Variants in PTPRM observed in about 807,000 individuals in gnomAD.
PTPRM encodes the protein protein tyrosine phosphatase receptor type M.
In PTPRM, 47 loss-of-function variants were observed where a neutral mutation model predicts 186.7. That is an observed-to-expected ratio of 0.25 (90% CI 0.20 to 0.32). The LOEUF (loss-of-function observed/expected upper bound fraction) is 0.32, where lower values mean the gene tolerates loss of function less well. PTPRM is among the 10% of genes least tolerant of loss of function. The probability of loss-of-function intolerance (pLI) is 1.00; values close to 1 mark genes in which losing one functional copy is unlikely to be tolerated. For synonymous variants in PTPRM, 668 were observed against 674.9 expected (o/e 0.99, Z 0.16); for missense variants, 1,494 against 1,865.0 (o/e 0.80, Z 3.66).
In PTPRM at chr18:8,343,487, C is replaced by A. The variant is rs2095486669; in HGVS notation, c.3021C>A (p.Ile1007=). ...RMVWHENTAS[I]IMVTNLVEVG... Reference sequence around the variant, plus strand: ...TGTGGCACGAAAACACTGCAAGTATCATCATGGTGACCAATCTTGTGGAAG... The same window carrying A: ...TGTGGCACGAAAACACTGCAAGTATAATCATGGTGACCAATCTTGTGGAAG... The change falls in exon 23 of 33, where the codon ATC becomes ATA. Residue 1007 remains isoleucine (I), a synonymous_variant. Transcript: ENST00000580170. 1 of 1,613,884 alleles carries A rather than the reference C, an allele frequency of 6.2e-7. No individual in the cohort carries two copies. The highest frequency in any genetic ancestry group is 1.3e-5 in the African/African-American group (1 of 74,908).
chr18:7,943,606 G>T (rs1175488035), intron 5 of PTPRM, among the ~76,000 whole-genome samples: 1 of 152,166 alleles, frequency 6.6e-6, no homozygotes, highest in African/African-American at 2.4e-5. Context: ...AGCCCTAAAA[G>T]AAGGTGACGG....
At chr18:8,370,486 C>T (rs2095657237) in intron 23 of PTPRM, among the ~76,000 whole-genome samples, 1 of 152,054 alleles carries the variant, frequency 6.6e-6, no homozygotes, top group African/African-American at 2.4e-5. Context: ...ATTTTCTGCC[C>T]ACTCCTCCTA....
intron 14 of PTPRM, among the ~76,000 whole-genome samples, chr18:8,171,885 G>A (rs1333672852): frequency 6.6e-6 from 1 of 152,022 alleles, no homozygotes; most frequent in East Asian, 1.9e-4. Flanking sequence ...TAAGTGTTGG[G>A]GAAAATCATC....
chr18:8,342,216 G>T (rs994541999), intron 22 of PTPRM, among the ~76,000 whole-genome samples: 3 of 152,212 alleles, frequency 2.0e-5, no homozygotes, highest in African/African-American at 7.2e-5. Context: ...ATTATTCAGT[G>T]TCCAGGCTGC....
At chr18:7,762,159 G>A (rs1444063164) in intron 1 of PTPRM, among the ~76,000 whole-genome samples, 1 of 152,136 alleles carries the variant, frequency 6.6e-6, no homozygotes, top group Non-Finnish European at 1.5e-5. Context: ...TTGCCCTGCA[G>A]TATGATAAGG....
chr18:7,876,604 G>A (rs2048256334), intron 2 of PTPRM, among the ~76,000 whole-genome samples: 1 of 152,136 alleles, frequency 6.6e-6, no homozygotes, highest in Admixed American at 6.5e-5. Context: ...AACTGGGAAG[G>A]CTGAATCCTG....
chr18:7,665,836 C>T (rs9946692), intron 1 of PTPRM, among the ~76,000 whole-genome samples: 6,242 of 151,934 alleles, frequency 0.041, 429 homozygotes, highest in African/African-American at 0.14. Flanking sequence ...GCAGGAGAAT[C>T]GCTTGAACCC....
intron 4 of PTPRM, among the ~76,000 whole-genome samples, chr18:7,910,393 G>A (rs148061645): frequency 6.6e-6 from 1 of 152,312 alleles, no homozygotes; most frequent in East Asian, 1.9e-4. Flanking sequence ...CAAAAGCAGA[G>A]ATTTATTGAA....
At chr18:7,961,024 T>C (rs77581362) in intron 7 of PTPRM, among the ~76,000 whole-genome samples, 3,279 of 152,274 alleles carry the variant, frequency 0.022, 46 homozygotes, top group African/African-American at 0.044. Flanking sequence ...AGTAGGTGTA[T>C]ATATTTATGA....
At chr18:7,869,608 G>T (rs1402167433) in intron 2 of PTPRM, among the ~76,000 whole-genome samples, 1 of 152,230 alleles carries the variant, frequency 6.6e-6, no homozygotes, top group South Asian at 2.1e-4. Flanking sequence ...TGTTGATCTC[G>T]CTGGAAGCTG....
intron 7 of PTPRM, among the ~76,000 whole-genome samples, chr18:8,068,345 A>G (rs1409501925): frequency 1.3e-5 from 2 of 152,188 alleles, no homozygotes; most frequent in East Asian, 1.9e-4. Context: ...AACACAAAAC[A>G]TTTTAGGTTA....
intron 7 of PTPRM, among the ~76,000 whole-genome samples, chr18:8,016,799 C>A (rs762860767): frequency 5.3e-5 from 8 of 152,150 alleles, no homozygotes; most frequent in Non-Finnish European, 1.0e-4. Flanking sequence ...TTTAAAAGAA[C>A]GTCTATCTAT....
intron 3 of PTPRM, among the ~76,000 whole-genome samples, chr18:7,898,960 A>G (rs1028948292): frequency 6.6e-6 from 1 of 152,168 alleles, no homozygotes; most frequent in Non-Finnish European, 1.5e-5. Context: ...GTTTTTGTCT[A>G]CTGATCAATA....
chr18:7,849,190 T>C (rs2046745213), intron 2 of PTPRM, among the ~76,000 whole-genome samples: 1 of 152,254 alleles, frequency 6.6e-6, no homozygotes. Flanking sequence ...TGTGATGTTT[T>C]GCTCATTTCA....
intron 15 of PTPRM, among the ~76,000 whole-genome samples, chr18:8,245,584 C>T (rs912679556): frequency 1.3e-5 from 2 of 152,102 alleles, no homozygotes; most frequent in Non-Finnish European, 2.9e-5. Flanking sequence ...TATTTAACTG[C>T]CATAAGAAAG....
intron 7 of PTPRM, among the ~76,000 whole-genome samples, chr18:8,034,160 C>T (rs1319239435): frequency 2.0e-5 from 3 of 150,154 alleles, no homozygotes; most frequent in African/African-American, 7.3e-5. Context: ...TTTTTTTTTC[C>T]GAACTAGGTC....
chr18:7,743,016 T>C (rs1202346197), intron 1 of PTPRM, among the ~76,000 whole-genome samples: 1 of 152,242 alleles, frequency 6.6e-6, no homozygotes, highest in African/African-American at 2.4e-5. Context: ...TATTCCTGTC[T>C]GACGGATGAG....
At chr18:8,284,181 C>T (rs1047534439) in intron 19 of PTPRM, among the ~76,000 whole-genome samples, 3 of 152,176 alleles carry the variant, frequency 2.0e-5, no homozygotes, top group African/African-American at 7.2e-5. Context: ...AGTTTACTTT[C>T]ATTTACTTTC....
chr18:7,822,326 C>G (rs1260366361), intron 2 of PTPRM, among the ~76,000 whole-genome samples: 2 of 152,088 alleles, frequency 1.3e-5, no homozygotes, highest in African/African-American at 4.8e-5. Context: ...TTATTTGAGT[C>G]AAAACAATTT....
Sources: gnomAD v4.1 joint callset for allele counts (sites outside exome capture counted in the v4.1 genomes callset) on GRCh38, gnomAD v4.1.1 for gene constraint, MANE v1.5 for transcripts, NCBI Gene and HGNC (gene_info 2026-07-23, HGNC 2026-07-21) for gene names.